FCAR: variants seen among roughly 807,000 people sequenced by gnomAD.
The protein encoded by FCAR is immunoglobulin alpha Fc receptor.
Under a neutral mutation model 27.1 loss-of-function variants are expected in FCAR, and 21 were observed. That is an observed-to-expected ratio of 0.77 (90% CI 0.55 to 1.11). FCAR has a LOEUF of 1.11. FCAR is among the 50% of genes most tolerant of loss of function. The probability of loss-of-function intolerance (pLI) is 0.00; values close to 1 mark genes in which losing one functional copy is unlikely to be tolerated. For missense variants in FCAR, 404 were observed against 358.4 expected (o/e 1.13, Z -1.03); for synonymous variants, 134 against 135.8 (o/e 0.99, Z 0.09).
intron 2 of FCAR, among the ~76,000 whole-genome samples, chr19:54,882,243 A>G (rs1182975690): frequency 2.6e-5 from 4 of 152,312 alleles, no homozygotes; most frequent in Middle Eastern, 6.8e-3. Flanking sequence ...TGGGAACTCA[A>G]AAAGCCAGTG....
At chr19:54,878,157 T>C (rs1343871811) in intron 2 of FCAR, among the ~76,000 whole-genome samples, 2 of 152,314 alleles carry the variant, frequency 1.3e-5, no homozygotes, top group East Asian at 1.9e-4. Context: ...GACCTCATGA[T>C]CCGCCAGCCT....
intron 4 of FCAR, chr19:54,888,807 G>A (rs114670920): frequency 0.045 from 45,012 of 993,748 alleles, 1,190 homozygotes; most frequent in Admixed American, 0.11. Flanking sequence ...CGCCTGGCCA[G>A]GCTGCACACA....
At chr19:54,875,255 C>T in intron 1 of FCAR, 75 bp from the exon 2 acceptor site, 1 of 1,259,732 alleles carries the variant, frequency 7.9e-7, no homozygotes, top group Non-Finnish European at 1.2e-6. Context: ...TTTTTCTGGT[C>T]TGTCATTACA....
At chr19:54,881,293 G>C (rs1009028850) in intron 2 of FCAR, among the ~76,000 whole-genome samples, 5 of 152,136 alleles carry the variant, frequency 3.3e-5, no homozygotes, top group Non-Finnish European at 7.4e-5. Context: ...CCTTAGGGCA[G>C]TTTGCCGGAG....
chr19:54,888,965 G>A, intron 4 of FCAR: 1 of 926,712 alleles, frequency 1.1e-6, no homozygotes, highest in South Asian at 4.9e-5. Context: ...CTACTCAGGA[G>A]GCTGAGGCAG....
chr19:54,883,340 C>G (rs1003727767), intron 2 of FCAR, among the ~76,000 whole-genome samples: 1 of 152,088 alleles, frequency 6.6e-6, no homozygotes, highest in Non-Finnish European at 1.5e-5. Flanking sequence ...GTGACTCCCT[C>G]GCCTGGTCCA....
chr19:54,888,326 G>T, intron 4 of FCAR, 32 bp downstream of exon 4: 1 of 1,610,442 alleles, frequency 6.2e-7, no homozygotes, highest in Non-Finnish European at 8.5e-7. Context: ...CCTGTGTCTG[G>T]GTTGGCTGTC....
chr19:54,888,363 T>C lies in FCAR; in HGVS notation c.649+69T>C, dbSNP rs753052735. 5 of 1,577,482 alleles carry C rather than the reference T, an allele frequency of 3.2e-6. No individual in the cohort carries two copies. In the East Asian group the frequency reaches 9.3e-5, roughly 29 times the overall value. ...AGGGCCTTGCCACCGGGCAGGAATA[T>C]GAAGACGTGCACTGAGAGTGAAGTG... On this transcript the variant is annotated intron_variant, in intron 4 of 4. Transcript: ENST00000355524.
In FCAR at chr19:54,889,825, G is replaced by C; in HGVS notation, c.826G>C (p.Gly276Arg). Reference protein sequence around the residue: ...PSWSQQMCQPGLTFARTPSVC... With the variant: ...PSWSQQMCQPRLTFARTPSVC... The stretch of plus-strand genomic sequence containing the variant: ...CTGGAGCCAACAGATGTGTCAGCCA[G>C]GATTGACCTTTGCACGAACACCAAG... Residue 276 changes from glycine to arginine, a missense_variant, in exon 5 of 5, where the codon GGA becomes CGA. Gly to Arg is a moderately radical substitution (Grantham distance 125). Transcript: ENST00000355524. 3 of 1,609,228 alleles carry C rather than the reference G, an allele frequency of 1.9e-6. No individual in the cohort carries two copies. Among genetic ancestry groups the C allele is most frequent in the Non-Finnish European group, 1.7e-6 (2 of 1,180,008 alleles).
intron 2 of FCAR, among the ~76,000 whole-genome samples, chr19:54,876,404 C>A (rs974794634): frequency 6.6e-6 from 1 of 152,134 alleles, no homozygotes; most frequent in Admixed American, 6.6e-5. Flanking sequence ...ATGTCTTTTG[C>A]CAGTTTTCAA....
At chr19:54,884,755 G>A (rs189952149) in intron 2 of FCAR, among the ~76,000 whole-genome samples, 168 of 151,584 alleles carry the variant, frequency 1.1e-3, no homozygotes, top group African/African-American at 3.7e-3. Flanking sequence ...AGGATCAATC[G>A]TACTCCAAAC....
intron 2 of FCAR, among the ~76,000 whole-genome samples, chr19:54,879,119 C>T (rs2066271658): frequency 6.6e-6 from 1 of 151,988 alleles, no homozygotes; most frequent in Non-Finnish European, 1.5e-5. Flanking sequence ...TCAAATGATC[C>T]ACCCACCTCA....
intron 4 of FCAR, 70 bp downstream of exon 4, chr19:54,888,364 G>C: frequency 1.9e-6 from 3 of 1,576,058 alleles, no homozygotes; most frequent in Non-Finnish European, 2.6e-6. Context: ...GCAGGAATAT[G>C]AAGACGTGCA....
At chr19:54,885,664 CA>C (rs2066678577) in intron 3 of FCAR, 139 bp downstream of exon 3, 1 of 630,980 alleles carries the variant, frequency 1.6e-6, no homozygotes, top group Non-Finnish European at 2.7e-6. Context: ...TCTGGCACCC[CA>C]CTTCCCCCAG....
intron 2 of FCAR, among the ~76,000 whole-genome samples, chr19:54,879,250 G>A (rs1331990255): frequency 6.6e-6 from 1 of 152,162 alleles, no homozygotes; most frequent in Non-Finnish European, 1.5e-5. Flanking sequence ...TTCAAAGTTA[G>A]CATTTACATG....
chr19:54,883,498 G>A (rs751543747), intron 2 of FCAR, among the ~76,000 whole-genome samples: 1 of 152,196 alleles, frequency 6.6e-6, no homozygotes, highest in Non-Finnish European at 1.5e-5. Context: ...TATGGAGGGA[G>A]GACCACCCCG....
intron 2 of FCAR, among the ~76,000 whole-genome samples, chr19:54,882,735 G>C (rs756467045): frequency 2.6e-4 from 39 of 152,030 alleles, no homozygotes; most frequent in Non-Finnish European, 5.1e-4. Flanking sequence ...CACCGCGCCC[G>C]GCCTTGGTGT....
chr19:54,885,048 C>T (rs1248721459), intron 2 of FCAR, among the ~76,000 whole-genome samples, 187 bp from the exon 3 acceptor site: 3 of 152,122 alleles, frequency 2.0e-5, no homozygotes, highest in Non-Finnish European at 4.4e-5. Context: ...CCTTGTGATC[C>T]ACCCGCCTCG....
At chr19:54,876,490 GA>G (rs1255974492) in intron 2 of FCAR, among the ~76,000 whole-genome samples, 1 of 152,100 alleles carries the variant, frequency 6.6e-6, no homozygotes, top group Non-Finnish European at 1.5e-5. Context: ...TTATTATTTT[GA>G]AATATGTTTC....
Sources: gnomAD v4.1 joint callset for allele counts (sites outside exome capture counted in the v4.1 genomes callset) on GRCh38, gnomAD v4.1.1 for gene constraint, MANE v1.5 for transcripts, NCBI Gene and HGNC (gene_info 2026-07-23, HGNC 2026-07-21) for gene names.